Variants in NRG1 observed in about 807,000 individuals in gnomAD.
NRG1 encodes pro-neuregulin-1, membrane-bound isoform.
In NRG1, 18 loss-of-function variants were observed where a neutral mutation model predicts 63.8. The observed-to-expected ratio is 0.28, with a 90% CI of 0.19 to 0.42. The LOEUF (loss-of-function observed/expected upper bound fraction) is 0.42. Among genes scored for constraint, NRG1 ranks in the 10% least tolerant of loss-of-function variants. The pLI is 1.00. For missense variants in NRG1, 762 were observed against 814.7 expected (o/e 0.94, Z 0.79); for synonymous variants, 302 against 301.3 (o/e 1.00, Z -0.02).
intron 1 of NRG1, among the ~76,000 whole-genome samples, chr8:31,648,755 A>G (rs962242487): frequency 2.0e-5 from 3 of 152,180 alleles, no homozygotes; most frequent in Non-Finnish European, 4.4e-5. Flanking sequence ...GAAAGGCTCA[A>G]TAATTTTCCA....
At chr8:31,936,614 C>G (rs1329725595) in intron 1 of NRG1, among the ~76,000 whole-genome samples, 1 of 152,164 alleles carries the variant, frequency 6.6e-6, no homozygotes, top group Non-Finnish European at 1.5e-5. Flanking sequence ...ATACAAAACT[C>G]ACTCACTTTA....
chr8:31,857,338 G>T (rs930492724), intron 1 of NRG1, among the ~76,000 whole-genome samples: 6 of 152,244 alleles, frequency 3.9e-5, no homozygotes. Context: ...AAGCCGGTTG[G>T]AAAAGCGCAG....
chr8:32,320,808 G>A (rs79828769), intron 1 of NRG1, among the ~76,000 whole-genome samples: 6,287 of 152,156 alleles, frequency 0.041, 161 homozygotes, highest in Middle Eastern at 0.11. Context: ...TCATCATTAC[G>A]CACCTCTGAG....
rs1164433302 is a variant in NRG1 at position 32,489,399 on chromosome 8, A to T, written c.38-106429A>T. Among the ~76,000 whole-genome samples, 22 of 152,228 alleles carry T rather than the reference A, an allele frequency of 1.4e-4. No homozygotes were observed. In the South Asian group the frequency reaches 4.6e-3, roughly 32 times the overall value. ...CCAGTTTCAGATTTTTCCTATTTAT[A>T]AAAAGACTGCCTTTCCCTGGAGCTG... is the stretch of plus-strand genomic sequence containing the variant. On this transcript the variant is annotated intron_variant, in intron 1 of 10. Transcript: ENST00000519301.
At chr8:32,161,031 C>G (rs1838768671) in intron 1 of NRG1, among the ~76,000 whole-genome samples, 1 of 152,168 alleles carries the variant, frequency 6.6e-6, no homozygotes, top group Non-Finnish European at 1.5e-5. Context: ...GTGATGCTCA[C>G]TTTACAGGTG....
chr8:32,141,592 GTATATATATATATATATATA>G (rs59251868), intron 1 of NRG1, among the ~76,000 whole-genome samples: 21 of 71,782 alleles, frequency 2.9e-4, no homozygotes, highest in African/African-American at 2.0e-4. Flanking sequence ...ATGTGTGTGG[GTATATATATATATATATATA>G]TATATATATA....
At chr8:32,100,467 G>T (rs1830428769) in intron 1 of NRG1, among the ~76,000 whole-genome samples, 1 of 152,078 alleles carries the variant, frequency 6.6e-6, no homozygotes, top group South Asian at 2.1e-4. Flanking sequence ...AATTGGCAGA[G>T]CAAGCCAAGT....
chr8:32,331,259 G>T (rs960946403), intron 1 of NRG1, among the ~76,000 whole-genome samples: 1 of 151,708 alleles, frequency 6.6e-6, no homozygotes, highest in Admixed American at 6.6e-5. Context: ...ACTTTGGAAG[G>T]CTGAGGGGGA....
intron 1 of NRG1, among the ~76,000 whole-genome samples, chr8:31,765,897 T>G (rs1818008933): frequency 6.6e-6 from 1 of 152,190 alleles, no homozygotes; most frequent in African/African-American, 2.4e-5. Context: ...GCTGCAGTGA[T>G]GATCAGGTGA....
rs762976552 is a variant in NRG1 at position 31,640,680 on chromosome 8, G to A, written c.37+1249G>A. ...GAGCCTCTTTCCCCCCTCTGGAGAC[G>A]GGCCGGAACCTCAAGAAGGAGGTCA... On this transcript the variant is annotated intron_variant, in intron 1 of 10. Coordinates refer to the NRG1 transcript ENST00000519301. This position sits in a 1 kb window ranked among gnomAD's most constrained non-coding sequence, Gnocchi z 6.3. 3.7e-6 allele frequency: 6 copies of A among 1,607,238 alleles called. No individual in the cohort carries two copies. The highest frequency in any genetic ancestry group is 1.1e-5 in the South Asian group (1 of 90,274).
intron 1 of NRG1, among the ~76,000 whole-genome samples, chr8:32,392,890 A>AG (rs1461854629): frequency 8.9e-6 from 1 of 112,650 alleles, no homozygotes; most frequent in Non-Finnish European, 2.0e-5. Context: ...GCTCAAGTGG[A>AG]GGGGTAGAGA....
At chr8:32,234,663 T>C (rs1421452319) in intron 1 of NRG1, among the ~76,000 whole-genome samples, 1 of 152,164 alleles carries the variant, frequency 6.6e-6, no homozygotes, top group Non-Finnish European at 1.5e-5. Flanking sequence ...GCAGAAAGTA[T>C]GGATGTCAAT....
At chr8:32,467,177 A>G (rs1184792469) in intron 1 of NRG1, among the ~76,000 whole-genome samples, 4 of 152,212 alleles carry the variant, frequency 2.6e-5, no homozygotes, top group Admixed American at 6.5e-5. Context: ...AACATAGGAG[A>G]AAAGTACTAG....
chr8:31,763,172 A>G (rs1817723029), intron 1 of NRG1, among the ~76,000 whole-genome samples: 1 of 152,218 alleles, frequency 6.6e-6, no homozygotes. Flanking sequence ...GATATTTCTC[A>G]TTTGATAAAG....
chr8:31,828,037 A>C (rs531851419), intron 1 of NRG1, among the ~76,000 whole-genome samples: 2 of 152,238 alleles, frequency 1.3e-5, no homozygotes, highest in Non-Finnish European at 2.9e-5. Flanking sequence ...GCACTGAATA[A>C]TTTGAGCCTG....
intron 6 of NRG1, among the ~76,000 whole-genome samples, chr8:32,739,376 CA>C (rs1257424392): frequency 6.6e-6 from 1 of 152,088 alleles, no homozygotes; most frequent in Non-Finnish European, 1.5e-5. Flanking sequence ...GGTCTTATAA[CA>C]CTAAGAAACA....
chr8:32,726,600 A>T (rs1191673363), intron 5 of NRG1, among the ~76,000 whole-genome samples: 1 of 152,168 alleles, frequency 6.6e-6, no homozygotes, highest in Non-Finnish European at 1.5e-5. Context: ...AAGCAAGGCC[A>T]TGAGTAATTC....
At chr8:32,673,583 G>C (rs1278398549) in intron 5 of NRG1, among the ~76,000 whole-genome samples, 1 of 152,068 alleles carries the variant, frequency 6.6e-6, no homozygotes, top group African/African-American at 2.4e-5. Flanking sequence ...TTTGACAGTG[G>C]AAAATGGATT....
chr8:32,616,491 A>T (rs1361549179), intron 4 of NRG1, among the ~76,000 whole-genome samples: 1 of 152,150 alleles, frequency 6.6e-6, no homozygotes, highest in Non-Finnish European at 1.5e-5. Flanking sequence ...TTTTCTCAAA[A>T]TCAAGACCAC....
Sources: allele counts gnomAD v4.1 joint callset (sites outside exome capture counted in the v4.1 genomes callset), GRCh38; gene constraint gnomAD v4.1.1; non-coding constraint Gnocchi (gnomAD v3.1); transcripts MANE v1.5; gene names NCBI Gene and HGNC (gene_info 2026-07-23, HGNC 2026-07-21).